Variants in ZBTB8A observed in about 807,000 individuals in gnomAD.
ZBTB8A encodes the protein zinc finger and BTB domain-containing protein 8A.
ZBTB8A carries 19 observed loss-of-function variants against 37.8 expected under a neutral mutation model. The observed-to-expected ratio is 0.50, with a 90% CI of 0.35 to 0.74. The LOEUF (loss-of-function observed/expected upper bound fraction) is 0.74. Among genes scored for constraint, ZBTB8A ranks in the 30% least tolerant of loss-of-function variants. The probability of loss-of-function intolerance (pLI) is 0.01; values close to 1 mark genes in which losing one functional copy is unlikely to be tolerated. For missense variants in ZBTB8A, 394 were observed against 537.8 expected, an observed-to-expected ratio of 0.73 and a Z score of 2.65; for synonymous variants, 181 against 185.2, an observed-to-expected ratio of 0.98 and a Z score of 0.19.
chr1:32,575,505 G>A (rs1379175306), intron 2 of ZBTB8A, among the ~76,000 whole-genome samples: 2 of 151,808 alleles, frequency 1.3e-5, no homozygotes, highest in Non-Finnish European at 2.9e-5. Context: ...GATTACAGGC[G>A]TGAGCCACCG....
intron 2 of ZBTB8A, among the ~76,000 whole-genome samples, chr1:32,586,835 A>G (rs1175137080): frequency 2.0e-5 from 3 of 152,134 alleles, no homozygotes; most frequent in Admixed American, 6.6e-5. Context: ...TTGGAGTTGG[A>G]TGATAAACCA....
rs1358253292 is a variant in ZBTB8A, at chr1:32,595,222, C to T, written c.992C>T (p.Thr331Ile). 2.5e-6 allele frequency: 4 copies of T among 1,610,832 alleles called. No individual in the cohort carries two copies. Among genetic ancestry groups the T allele is most frequent in the Non-Finnish European group, 2.5e-6 (3 of 1,179,306 alleles). Residue 331 changes from threonine (T) to isoleucine (I), a missense_variant and splice_region_variant, in exon 4 of 5, where the codon ACA becomes ATA. Physicochemically the swap from Thr to Ile is moderately conservative, Grantham distance 89. This residue lies in a region of ZBTB8A where 42 missense variants were observed against 96.4 expected (regional missense o/e 0.44). Transcript: ENST00000373510. Reference sequence around the variant, plus strand: ...GACCATCTAAGTAGCCATTTTCGAACAGTATGTATGATTTTTTTTCATCGT... The same window carrying T: ...GACCATCTAAGTAGCCATTTTCGAATAGTATGTATGATTTTTTTTCATCGT... ...RLDHLSSHFRTIHQACKLICR... is the reference protein window; with the variant it reads ...RLDHLSSHFRIIHQACKLICR...
At chr1:32,580,964 G>T (rs1229885301) in intron 2 of ZBTB8A, among the ~76,000 whole-genome samples, 2 of 150,064 alleles carry the variant, frequency 1.3e-5, no homozygotes, top group African/African-American at 4.9e-5. Flanking sequence ...ATCCATGCAT[G>T]AATGAGGTGT....
At chr1:32,552,259 T>G (rs1241812592) in intron 1 of ZBTB8A, among the ~76,000 whole-genome samples, 1 of 152,018 alleles carries the variant, frequency 6.6e-6, no homozygotes, top group African/African-American at 2.4e-5. Context: ...AACTACTTGG[T>G]AGACTGAAGA....
At chr1:32,581,635 A>G (rs1644407744) in intron 2 of ZBTB8A, among the ~76,000 whole-genome samples, 1 of 152,062 alleles carries the variant, frequency 6.6e-6, no homozygotes, top group Non-Finnish European at 1.5e-5. Flanking sequence ...TACAGGCGTG[A>G]GCCACCGTCC....
At position 32,600,383 on chromosome 1, in the gene ZBTB8A, A is replaced by C. The variant is rs984082719; in HGVS notation, c.1290A>C (p.Glu430Asp). The C allele has an allele frequency of 1.2e-6, 2 of 1,612,852 alleles. No homozygotes were observed. The highest frequency in any genetic ancestry group is 2.7e-5 in the African/African-American group (2 of 74,844). ...TCCAACAGGTTGATGATAGTGAAGA[A>C]GAAGAAGAAAAAGAAATTAAGCCCA... ...LVIQQVDDSE[E>D]EEEKEIKPNI... The change falls in exon 5 of 5, where the codon GAA (glutamate) becomes GAC (aspartate). Residue 430 changes from glutamate to aspartate, a missense_variant. Glu to Asp is a conservative substitution (Grantham distance 45). Around this residue, in one of 4 missense-constraint regions of ZBTB8A, gnomAD observed 85 missense variants for 89.0 expected, o/e 0.95. Coordinates refer to ENST00000373510, the MANE Select transcript of ZBTB8A (RefSeq NM_001040441.3).
intron 1 of ZBTB8A, among the ~76,000 whole-genome samples, chr1:32,548,137 T>TAAAAAAAAA (rs770998213): frequency 1.5e-5 from 1 of 65,760 alleles, no homozygotes; most frequent in Non-Finnish European, 2.9e-5. Context: ...CGTCTCAAAT[T>TAAAAAAAAA]AAAAAAAAAA....
chr1:32,596,134 C>A (rs1644529434), intron 4 of ZBTB8A, among the ~76,000 whole-genome samples: 1 of 151,930 alleles, frequency 6.6e-6, no homozygotes, highest in Non-Finnish European at 1.5e-5. Context: ...CTTTGGGAGG[C>A]CGAGGCAGGC....
chr1:32,571,927 G>A (rs576795786), intron 2 of ZBTB8A, among the ~76,000 whole-genome samples: 6 of 150,928 alleles, frequency 4.0e-5, no homozygotes, highest in Non-Finnish European at 5.9e-5. Flanking sequence ...TTTTTGAGAC[G>A]GAATCTCATT....
At chr1:32,549,521 GC>G (rs1644134153) in intron 1 of ZBTB8A, among the ~76,000 whole-genome samples, 1 of 151,790 alleles carries the variant, frequency 6.6e-6, no homozygotes, top group South Asian at 2.1e-4. Context: ...TGCCCAACAG[GC>G]CCCCCAGGGA....
At chr1:32,577,250 A>C (rs1338894363) in intron 2 of ZBTB8A, among the ~76,000 whole-genome samples, 2 of 151,602 alleles carry the variant, frequency 1.3e-5, no homozygotes, top group African/African-American at 2.4e-5. Context: ...GCTGGAGTGC[A>C]GTGGCGCGAT....
At position 32,605,459 on chromosome 1, in the gene ZBTB8A, T is replaced by A. The variant is rs943569204; in HGVS notation, c.*5040T>A. 6.6e-6 allele frequency: 1 copy of A among 151,820 alleles called. No homozygotes were observed. Among genetic ancestry groups the A allele is most frequent in the Non-Finnish European group, 1.5e-5 (1 of 68,036 alleles). The allele number at this position is 151,820 out of a possible 1,614,324, so 9.4% of individuals were successfully genotyped here. A position where few individuals can be genotyped will look rare whatever the true frequency, so the allele number is the denominator to read the frequency against. ...TGGCTCACACCTGTAATCCCAGCAC[T>A]TTGGGAGGCCAAGGCGGGTGGATCA... On this transcript the variant is annotated 3_prime_UTR_variant, in exon 5 of 5. Coordinates refer to ENST00000373510, the MANE Select transcript of ZBTB8A (RefSeq NM_001040441.3).
chr1:32,568,626 T>A (rs1265197648), intron 2 of ZBTB8A, among the ~76,000 whole-genome samples: 1 of 152,266 alleles, frequency 6.6e-6, no homozygotes, highest in East Asian at 1.9e-4. Flanking sequence ...AACCTCGTGA[T>A]CCGCCCGCCT....
intron 2 of ZBTB8A, among the ~76,000 whole-genome samples, chr1:32,556,745 C>T (rs1008006074): frequency 2.6e-5 from 4 of 151,380 alleles, no homozygotes; most frequent in East Asian, 2.0e-4. Flanking sequence ...GGCGTGGTGG[C>T]GGGCACCTCT....
At chr1:32,541,399 G>A (rs12130985) in intron 1 of ZBTB8A, among the ~76,000 whole-genome samples, 17,350 of 152,096 alleles carry the variant, frequency 0.11, 1,092 homozygotes, top group African/African-American at 0.18. Context: ...TGCCTGAAAT[G>A]CTCTTCCCCC....
chr1:32,572,065 A>G (rs1339462436), intron 2 of ZBTB8A, among the ~76,000 whole-genome samples: 1 of 151,882 alleles, frequency 6.6e-6, no homozygotes, highest in Non-Finnish European at 1.5e-5. Flanking sequence ...CACCACGCCC[A>G]GCTAATTTAG....
At chr1:32,595,734 C>T (rs1402330005) in intron 4 of ZBTB8A, among the ~76,000 whole-genome samples, 2 of 151,852 alleles carry the variant, frequency 1.3e-5, no homozygotes, top group East Asian at 1.9e-4. Flanking sequence ...ACTGCAGCCG[C>T]GACTTCTCAG....
intron 1 of ZBTB8A, among the ~76,000 whole-genome samples, chr1:32,545,324 C>T (rs1458704573): frequency 6.6e-6 from 1 of 152,108 alleles, no homozygotes; most frequent in East Asian, 1.9e-4. Flanking sequence ...ATTTGCATTT[C>T]TCTAATGATT....
rs113569633 is a variant in ZBTB8A at position 32,578,885 on chromosome 1, T to C, written c.-1-14046T>C. Among the ~76,000 whole-genome samples the C allele has an allele frequency of 3.0e-3, 454 of 151,868 alleles. 2 individuals carry two copies. The highest frequency in any genetic ancestry group is 0.01 in the African/African-American group (432 of 41,434). On this transcript the variant is annotated intron_variant, in intron 2 of 4. Transcript: ENST00000373510. Reference sequence around the variant, plus strand: ...CATGCCATTGTGCCCAGCACTAATCTTTTTTTTATGGAATGGTGGACACTA... The same window carrying C: ...CATGCCATTGTGCCCAGCACTAATCCTTTTTTTATGGAATGGTGGACACTA...
Sources: allele counts gnomAD v4.1 joint callset (sites outside exome capture counted in the v4.1 genomes callset), GRCh38; gene constraint gnomAD v4.1.1; regional missense constraint gnomAD v4.1.1; transcripts MANE v1.5; gene names NCBI Gene and HGNC (gene_info 2026-07-23, HGNC 2026-07-21).